The following PTPRD variants were observed in gnomAD, a reference collection of about 807,000 sequenced individuals.
PTPRD encodes receptor-type tyrosine-protein phosphatase delta.
A neutral mutation model predicts 214.5 loss-of-function variants in PTPRD; 34 were observed. The ratio of observed to expected loss-of-function variants is 0.16; its 90% confidence interval spans 0.12 to 0.21. PTPRD has a LOEUF of 0.21. PTPRD is among the 10% of genes least tolerant of loss of function. The probability of loss-of-function intolerance (pLI) is 1.00; values close to 1 mark genes in which losing one functional copy is unlikely to be tolerated. For missense variants in PTPRD, 2,545 were observed against 2,398.7 expected (o/e 1.06, Z -1.27); for synonymous variants, 1,128 against 845.7 (o/e 1.33, Z -5.79).
intron 8 of PTPRD, among the ~76,000 whole-genome samples, chr9:9,556,426 G>C (rs1022916233): frequency 6.6e-6 from 1 of 151,960 alleles, no homozygotes; most frequent in Non-Finnish European, 1.5e-5. Flanking sequence ...CATATAAGTG[G>C]ACCTGCCAGT....
At chr9:10,055,431 G>C (rs1168280420) in intron 3 of PTPRD, among the ~76,000 whole-genome samples, 2 of 151,948 alleles carry the variant, frequency 1.3e-5, no homozygotes, top group African/African-American at 2.4e-5. Context: ...TGTTCTAATG[G>C]AGTAGTTACT....
intron 7 of PTPRD, among the ~76,000 whole-genome samples, chr9:9,732,818 G>A (rs1564840811): frequency 6.6e-6 from 1 of 151,984 alleles, no homozygotes; most frequent in Admixed American, 6.6e-5. Context: ...GGACCGTGGT[G>A]TGGCTCTGTC....
At chr9:8,990,146 A>G (rs2099360586) in intron 11 of PTPRD, among the ~76,000 whole-genome samples, 2 of 152,180 alleles carry the variant, frequency 1.3e-5, no homozygotes, top group African/African-American at 4.8e-5. Context: ...AAGTACTTCC[A>G]TGCACACTAA....
intron 11 of PTPRD, among the ~76,000 whole-genome samples, chr9:8,760,141 G>C (rs1333447310): frequency 6.6e-6 from 1 of 152,160 alleles, no homozygotes; most frequent in African/African-American, 2.4e-5. Flanking sequence ...ACATTGGCCA[G>C]GCTGTTCTCA....
intron 10 of PTPRD, among the ~76,000 whole-genome samples, chr9:9,108,516 G>A (rs2099801845): frequency 6.6e-6 from 1 of 152,050 alleles, no homozygotes; most frequent in Non-Finnish European, 1.5e-5. Context: ...GACTCTCCAG[G>A]TTGACTCTCC....
At chr9:8,718,685 G>C (rs1322226401) in intron 12 of PTPRD, among the ~76,000 whole-genome samples, 1 of 152,092 alleles carries the variant, frequency 6.6e-6, no homozygotes, top group Non-Finnish European at 1.5e-5. Context: ...GTCCTTACAA[G>C]AATATAGGTA....
intron 7 of PTPRD, among the ~76,000 whole-genome samples, chr9:9,710,098 T>A (rs570683475): frequency 9.0e-4 from 137 of 152,230 alleles, no homozygotes; most frequent in Non-Finnish European, 1.8e-3. Context: ...AATGCCATTT[T>A]GCTAAGCAAA....
At chr9:9,255,735 G>A (rs904902877) in intron 9 of PTPRD, among the ~76,000 whole-genome samples, 1 of 151,976 alleles carries the variant, frequency 6.6e-6, no homozygotes, top group Non-Finnish European at 1.5e-5. Context: ...ATGATTGATC[G>A]CAAAACGTAA....
chr9:9,561,774 C>T (rs1053755440), intron 8 of PTPRD, among the ~76,000 whole-genome samples: 22 of 152,190 alleles, frequency 1.4e-4, no homozygotes, highest in Admixed American at 4.6e-4. Flanking sequence ...TGAAAGACAT[C>T]ACATACTTTT....
chr9:9,279,132 T>G (rs4329321), intron 9 of PTPRD, among the ~76,000 whole-genome samples: 123,510 of 150,620 alleles, frequency 0.82, 51,162 homozygotes, highest in Non-Finnish European at 0.88. Flanking sequence ...GCTCAAAATG[T>G]CAACTGTTTC....
intron 4 of PTPRD, among the ~76,000 whole-genome samples, chr9:10,013,444 C>A (rs916944470): frequency 6.6e-6 from 1 of 151,786 alleles, no homozygotes; most frequent in Non-Finnish European, 1.5e-5. Flanking sequence ...TATATAGGTA[C>A]TCCTTATTTC....
At position 8,933,280 on chromosome 9, in the gene PTPRD, G is replaced by A. The variant is rs552553763; in HGVS notation, c.-104+85417C>T. 1.2e-4 allele frequency among the ~76,000 whole-genome samples: 17 copies of A among 146,052 alleles called. No homozygotes were observed. In the South Asian group the frequency reaches 2.4e-3, roughly 21 times the overall value. On this transcript the variant is annotated intron_variant, in intron 11 of 45. Coordinates refer to ENST00000381196, the MANE Select transcript of PTPRD (RefSeq NM_002839.4). ...ATCATCTGTCTTCTTCATTGGTATC[G>A]CTGGGAGTTGCAGACCAGAGCTGTT...
At chr9:9,817,047 T>C (rs12684795) in intron 5 of PTPRD, among the ~76,000 whole-genome samples, 16,006 of 152,154 alleles carry the variant, frequency 0.11, 2,348 homozygotes, top group East Asian at 0.74. Context: ...AATTACCAGC[T>C]GTCAAAAAAA....
chr9:10,067,710 C>A (rs1005474081), intron 3 of PTPRD, among the ~76,000 whole-genome samples: 1 of 151,800 alleles, frequency 6.6e-6, no homozygotes, highest in African/African-American at 2.4e-5. Context: ...GAGTTCAAAC[C>A]AAAGTCTTTT....
intron 3 of PTPRD, among the ~76,000 whole-genome samples, chr9:10,298,763 AATTATT>A (rs1399946331): frequency 6.6e-6 from 1 of 151,972 alleles, no homozygotes; most frequent in Admixed American, 6.6e-5. Context: ...ATATAATAAT[AATTATT>A]ATTGTCACTG....
chr9:9,188,146 A>G lies in PTPRD; in HGVS notation c.-202-4783T>C, dbSNP rs147019416. Reference sequence around the variant, plus strand: ...TAGGGTTGCCTTGAACGTTATGTAAATGTAATCAAGTATTGCATGTTATTT... The same window carrying G: ...TAGGGTTGCCTTGAACGTTATGTAAGTGTAATCAAGTATTGCATGTTATTT... On this transcript the variant is annotated intron_variant, in intron 9 of 45. Coordinates refer to ENST00000381196, the MANE Select transcript of PTPRD (RefSeq NM_002839.4). Among the ~76,000 whole-genome samples, 484 of 152,124 alleles carry G rather than the reference A, an allele frequency of 3.2e-3. 1 individual carries two copies. Among genetic ancestry groups the G allele is most frequent in the African/African-American group, 0.011 (464 of 41,532 alleles).
At chr9:10,271,554 T>TTTTC (rs1564921784) in intron 3 of PTPRD, among the ~76,000 whole-genome samples, 7 of 148,274 alleles carry the variant, frequency 4.7e-5, no homozygotes, top group African/African-American at 1.7e-4. Context: ...CTTTTCTTTT[T>TTTTC]TTTTTTGAGA....
At chr9:8,909,468 A>G (rs1317112178) in intron 11 of PTPRD, among the ~76,000 whole-genome samples, 1 of 152,206 alleles carries the variant, frequency 6.6e-6, no homozygotes, top group Non-Finnish European at 1.5e-5. Flanking sequence ...CAATTAATGT[A>G]GTAAGCCTTG....
In PTPRD at chr9:9,275,202, TATATATATA is replaced by T. The variant is rs1569566783; in HGVS notation, c.-202-91848_-202-91840del. Among the ~76,000 whole-genome samples the T allele has an allele frequency of 9.0e-3, 566 of 62,974 alleles. 24 individuals carry two copies. The highest frequency in any genetic ancestry group is 0.034 in the African/African-American group (524 of 15,294). The allele number at this position is 62,974 out of a possible 152,430, so 41.3% of individuals were successfully genotyped here. A position where few individuals can be genotyped will look rare whatever the true frequency, so the allele number is the denominator to read the frequency against. On this transcript the variant is annotated intron_variant, in intron 9 of 45. Transcript: ENST00000381196. ...ATATATGTTATATATATATATATTA[TATATATATA>T]TATATAACCATTAGCATTTCATGCT...
Sources: gnomAD v4.1 joint callset for allele counts (sites outside exome capture counted in the v4.1 genomes callset) on GRCh38, gnomAD v4.1.1 for gene constraint, MANE v1.5 for transcripts, NCBI Gene and HGNC (gene_info 2026-07-23, HGNC 2026-07-21) for gene names.